Variants in KRT73 observed in about 807,000 individuals in gnomAD.
The protein encoded by KRT73 is keratin 73, also known as keratin, type II cytoskeletal 73.
In KRT73, 44 loss-of-function variants were observed where a neutral mutation model predicts 47.2. That is an observed-to-expected ratio of 0.93 (90% CI 0.73 to 1.20). KRT73 has a LOEUF of 1.20. Among genes scored for constraint, KRT73 ranks in the 50% most tolerant of loss-of-function variants. The pLI is 0.00. For missense variants in KRT73, 713 were observed against 704.5 expected (o/e 1.01, Z -0.14); for synonymous variants, 285 against 291.3 (o/e 0.98, Z 0.22).
intron 8 of KRT73, 87 bp from the exon 9 acceptor site, chr12:52,608,539 G>C: frequency 8.4e-7 from 1 of 1,188,822 alleles, no homozygotes. Flanking sequence ...AGCCCCACTA[G>C]CTTAAATACC....
At chr12:52,609,695 C>A (rs1940654222) in intron 7 of KRT73, among the ~76,000 whole-genome samples, 1 of 152,210 alleles carries the variant, frequency 6.6e-6, no homozygotes, top group Admixed American at 6.5e-5. Context: ...TAAAATGGTG[C>A]TTGGTTAGAA....
At chr12:52,626,533 A>C in the KRT73 span, among the ~76,000 whole-genome samples, 1 of 152,190 alleles carries the variant, frequency 6.6e-6, no homozygotes, top group African/African-American at 2.4e-5. Context: ...GCAAGATACC[A>C]CAACTCGTAT....
intron 7 of KRT73, 60 bp downstream of exon 7, chr12:52,610,555 A>ACCCCCCC: frequency 1.6e-5 from 4 of 247,314 alleles, no homozygotes; most frequent in Admixed American, 3.9e-5. Flanking sequence ...CCCCAACCAC[A>ACCCCCCC]CTCTGGGAAA....
Position 52,609,724 on chromosome 12 carries a change from C to T in KRT73, c.1332-443G>A, listed in dbSNP as rs901092278. Reference sequence around the variant, plus strand: ...GTTAGAACAGGGTTTTTCAAATGTTCATGCTTCGTGTGCCACCCTTCTGAC... The same window carrying T: ...GTTAGAACAGGGTTTTTCAAATGTTTATGCTTCGTGTGCCACCCTTCTGAC... On this transcript the variant is annotated intron_variant, in intron 7 of 8. Coordinates refer to ENST00000305748, the MANE Select transcript of KRT73 (RefSeq NM_175068.3). The T allele has an allele frequency of 1.8e-5, 3 of 168,080 alleles. No individual in the cohort carries two copies. In the Admixed American group the frequency reaches 1.8e-4, roughly 10 times the overall value. 10.4% of individuals were successfully genotyped at this position (168,080 alleles called of 1,614,324 possible).
chr12:52,613,960 A>G lies in KRT73; in HGVS notation c.820-108T>C. The G allele has an allele frequency of 6.8e-6, 10 of 1,477,634 alleles. No individual in the cohort carries two copies. In the South Asian group the frequency reaches 1.2e-4, roughly 18 times the overall value. 91.5% of individuals were successfully genotyped at this position (1,477,634 alleles called of 1,614,324 possible). On this transcript the variant is annotated intron_variant, in intron 4 of 8. Transcript: ENST00000305748. ...GCCCTAGACCATCCCACACAGATGG[A>G]AGCTGCACTTCCCAAAGCTTGTAAG...
intron 2 of KRT73, among the ~76,000 whole-genome samples, chr12:52,615,625 C>T (rs1236941082): frequency 1.3e-5 from 2 of 152,144 alleles, no homozygotes; most frequent in Non-Finnish European, 1.5e-5. Context: ...ATCACAGAAG[C>T]ATGCCAGCTA....
At chr12:52,625,358 T>C in the KRT73 span, among the ~76,000 whole-genome samples, 1 of 152,170 alleles carries the variant, frequency 6.6e-6, no homozygotes, top group Admixed American at 6.5e-5. Context: ...TTTCACTGAA[T>C]AGTTCATACC....
upstream of KRT73, among the ~76,000 whole-genome samples, chr12:52,623,195 A>C (rs995335902): frequency 4.5e-4 from 68 of 152,372 alleles, no homozygotes; most frequent in Non-Finnish European, 7.2e-4. Context: ...TATAGTCAGA[A>C]TTCTGAAAAC....
chr12:52,630,631 A>G, the KRT73 span, among the ~76,000 whole-genome samples: 1 of 152,038 alleles, frequency 6.6e-6, no homozygotes, highest in Non-Finnish European at 1.5e-5. Flanking sequence ...AAAAAAATCT[A>G]TCTTAACCCC....
intron 8 of KRT73, 146 bp from the exon 9 acceptor site, chr12:52,608,598 G>C: frequency 1.4e-6 from 1 of 701,088 alleles, no homozygotes; most frequent in Admixed American, 3.3e-5. Flanking sequence ...GGGTTCATTT[G>C]AGCAACTCAA....
chr12:52,610,549 A>ACCCCCCCCCCC, intron 7 of KRT73, 66 bp downstream of exon 7: 1 of 155,316 alleles, frequency 6.4e-6, no homozygotes, highest in South Asian at 4.4e-5. Flanking sequence ...CCCCGCCCCC[A>ACCCCCCCCCCC]ACCACACTCT....
upstream of KRT73, among the ~76,000 whole-genome samples, chr12:52,623,186 A>C (rs61929577): frequency 0.076 from 11,607 of 152,310 alleles, 694 homozygotes; most frequent in African/African-American, 0.17. Flanking sequence ...TAGACATATT[A>C]TAGTCAGAAT....
upstream of KRT73, among the ~76,000 whole-genome samples, chr12:52,621,464 C>G (rs1940905828): frequency 6.6e-6 from 1 of 152,158 alleles, no homozygotes; most frequent in African/African-American, 2.4e-5. Context: ...TAAGAAGACT[C>G]TGAAGCGTAG....
intron 5 of KRT73, among the ~76,000 whole-genome samples, chr12:52,613,004 A>G (rs893147629): frequency 6.6e-6 from 1 of 152,226 alleles, no homozygotes; most frequent in Admixed American, 6.5e-5. Flanking sequence ...AAGAAGCCCT[A>G]GCCTATGTCT....
chr12:52,619,302 G>C (rs963104513), upstream of KRT73, among the ~76,000 whole-genome samples: 2 of 152,236 alleles, frequency 1.3e-5, no homozygotes, highest in Non-Finnish European at 2.9e-5. Flanking sequence ...CAGTGTAACA[G>C]AGCTCCTCAC....
rs761719369 is a variant in KRT73 at position 52,615,261 on chromosome 12, C to G, written c.723+18G>C. The G allele has an allele frequency of 1.9e-6, 3 of 1,611,226 alleles. No homozygotes were observed. The highest frequency in any genetic ancestry group is 2.5e-6 in the Non-Finnish European group (3 of 1,177,676). ...CCCACTGCTGGGGGACTGAAGGGAA[C>G]CCATGCACCCTCCTCACCTTCTTAA... On this transcript the variant is annotated intron_variant, in intron 3 of 8. Transcript: ENST00000305748.
upstream of KRT73, among the ~76,000 whole-genome samples, chr12:52,621,126 T>C (rs898608055): frequency 6.6e-6 from 1 of 152,114 alleles, no homozygotes; most frequent in Non-Finnish European, 1.5e-5. Context: ...GTGAGCTCCT[T>C]ATATTTCACA....
chr12:52,608,174 G>A lies in KRT73; in HGVS notation c.*22C>T, dbSNP rs1461163021. On this transcript the variant is annotated 3_prime_UTR_variant, in exon 9 of 9. Coordinates refer to ENST00000305748, the MANE Select transcript of KRT73 (RefSeq NM_175068.3). ...TCTGCCAGGGCAAGGCAGACTACTG[G>A]GAAATGGGCTGTGTTGCACTTTTAT... 1.3e-6 allele frequency: 2 copies of A among 1,593,698 alleles called. No homozygotes were observed. Among genetic ancestry groups the A allele is most frequent in the Admixed American group, 3.4e-5 (2 of 58,866 alleles).
upstream of KRT73, among the ~76,000 whole-genome samples, chr12:52,622,689 A>G (rs1193538905): frequency 2.0e-5 from 3 of 152,236 alleles, no homozygotes; most frequent in African/African-American, 4.8e-5. Context: ...TGCCTGCCAC[A>G]GTCCCAGCTC....
Sources: gnomAD v4.1 joint callset for allele counts (sites outside exome capture counted in the v4.1 genomes callset) on GRCh38, gnomAD v4.1.1 for gene constraint, MANE v1.5 for transcripts, NCBI Gene and HGNC (gene_info 2026-07-23, HGNC 2026-07-21) for gene names.